EXOC6B: variants seen among roughly 807,000 people sequenced by gnomAD.
EXOC6B encodes SEC15 homolog B.
A neutral mutation model predicts 113.5 loss-of-function variants in EXOC6B; 54 were observed. The ratio of observed to expected loss-of-function variants is 0.48; its 90% confidence interval spans 0.38 to 0.60. EXOC6B has a LOEUF of 0.60. EXOC6B is among the 20% of genes least tolerant of loss of function. EXOC6B has a pLI of 0.00. For synonymous variants in EXOC6B, 357 were observed against 339.0 expected (o/e 1.05, Z -0.58); for missense variants, 797 against 977.5 (o/e 0.82, Z 2.46).
chr2:72,637,062 C>G (rs912745021), intron 6 of EXOC6B, among the ~76,000 whole-genome samples: 1 of 151,940 alleles, frequency 6.6e-6, no homozygotes. Flanking sequence ...TACAATACCA[C>G]TTATAAAAAT....
At chr2:72,465,085 TAA>T in intron 18 of EXOC6B, 73 bp downstream of exon 18, 1 of 1,299,150 alleles carries the variant, frequency 7.7e-7, no homozygotes, top group Non-Finnish European at 1.1e-6. Context: ...CAGCAGAAAC[TAA>T]CATCTTTCAC....
intron 18 of EXOC6B, among the ~76,000 whole-genome samples, chr2:72,410,170 A>C (rs1558641387): frequency 6.6e-6 from 1 of 152,164 alleles, no homozygotes; most frequent in Non-Finnish European, 1.5e-5. Context: ...GACGACTTTG[A>C]AGCTGCATAT....
intron 11 of EXOC6B, among the ~76,000 whole-genome samples, chr2:72,506,471 G>C (rs1239916378): frequency 6.6e-6 from 1 of 152,120 alleles, no homozygotes; most frequent in East Asian, 1.9e-4. Flanking sequence ...TCTGGACTAA[G>C]AAGTTACCTC....
rs576948368 is a variant in EXOC6B, at chr2:72,213,270, A to G, written c.2197-29083T>C. Among the ~76,000 whole-genome samples, 7 of 152,350 alleles carry G rather than the reference A, an allele frequency of 4.6e-5. No homozygotes were observed. In the East Asian group the frequency reaches 1.2e-3, roughly 25 times the overall value. Reference sequence around the variant, plus strand: ...AACCTCATGAGAGATGCTAGCTAATACCACGTAAAACTGCCTAGCTGAGCC... The same window carrying G: ...AACCTCATGAGAGATGCTAGCTAATGCCACGTAAAACTGCCTAGCTGAGCC... On this transcript the variant is annotated intron_variant, in intron 20 of 21. Coordinates refer to ENST00000272427, the MANE Select transcript of EXOC6B (RefSeq NM_015189.3).
At chr2:72,258,038 T>C (rs1466402704) in intron 20 of EXOC6B, among the ~76,000 whole-genome samples, 1 of 152,230 alleles carries the variant, frequency 6.6e-6, no homozygotes, top group Admixed American at 6.5e-5. Context: ...CTAAATTTCA[T>C]AGTCTTTTAA....
At chr2:72,612,890 A>G (rs965581750) in intron 6 of EXOC6B, among the ~76,000 whole-genome samples, 9 of 152,204 alleles carry the variant, frequency 5.9e-5, no homozygotes, top group Non-Finnish European at 1.2e-4. Context: ...TCTGTACTCA[A>G]AAAAGTTTCT....
intron 8 of EXOC6B, among the ~76,000 whole-genome samples, chr2:72,531,584 T>C (rs967691200): frequency 6.6e-6 from 1 of 152,238 alleles, no homozygotes; most frequent in African/African-American, 2.4e-5. Context: ...ATGCAGGGTA[T>C]TTTATCTGAC....
intron 11 of EXOC6B, among the ~76,000 whole-genome samples, chr2:72,501,865 T>C (rs1220802418): frequency 2.0e-5 from 3 of 151,602 alleles, no homozygotes; most frequent in Non-Finnish European, 4.4e-5. Context: ...GTTCAAGCAA[T>C]CTTCCCACCT....
intron 6 of EXOC6B, among the ~76,000 whole-genome samples, chr2:72,661,322 G>A (rs533575700): frequency 2.1e-5 from 3 of 144,632 alleles, no homozygotes; most frequent in South Asian, 2.2e-4. Context: ...TAAATTGTCC[G>A]TACTCACAGA....
intron 18 of EXOC6B, among the ~76,000 whole-genome samples, chr2:72,402,205 A>G (rs993854264): frequency 6.6e-6 from 1 of 152,080 alleles, no homozygotes; most frequent in African/African-American, 2.4e-5. Context: ...AAGATTTTGT[A>G]TTTATTCTTG....
intron 20 of EXOC6B, among the ~76,000 whole-genome samples, chr2:72,275,181 T>A (rs768425138): frequency 6.8e-4 from 104 of 152,332 alleles, no homozygotes; most frequent in African/African-American, 2.4e-3. Flanking sequence ...TAACATTTAA[T>A]GGACAAGATA....
chr2:72,363,478 T>C (rs1454265167), intron 19 of EXOC6B, among the ~76,000 whole-genome samples: 2 of 152,082 alleles, frequency 1.3e-5, no homozygotes, highest in African/African-American at 4.8e-5. Context: ...GTCAATTTAT[T>C]ATACCAAATT....
chr2:72,795,401 C>A (rs1684885593), intron 1 of EXOC6B, among the ~76,000 whole-genome samples: 2 of 152,022 alleles, frequency 1.3e-5, no homozygotes, highest in Admixed American at 1.3e-4. Flanking sequence ...TGGTGAAACC[C>A]CATCTCTATT....
At chr2:72,815,133 T>C (rs1686153508) in intron 1 of EXOC6B, among the ~76,000 whole-genome samples, 2 of 152,184 alleles carry the variant, frequency 1.3e-5, no homozygotes, top group South Asian at 4.1e-4. Context: ...TACATACTCG[T>C]CATGCATTTA....
At chr2:72,557,583 TG>T (rs1470588849) in intron 8 of EXOC6B, among the ~76,000 whole-genome samples, 4 of 151,982 alleles carry the variant, frequency 2.6e-5, no homozygotes, top group Non-Finnish European at 5.9e-5. Flanking sequence ...CACTTATAAG[TG>T]GGGGCTAAAT....
chr2:72,342,384 G>C (rs1332574833), intron 19 of EXOC6B, among the ~76,000 whole-genome samples: 1 of 151,908 alleles, frequency 6.6e-6, no homozygotes, highest in Admixed American at 6.6e-5. Context: ...GACCTAAATA[G>C]ACATTTTTCC....
chr2:72,604,057 G>GA lies in EXOC6B; in HGVS notation c.670-28390dup, dbSNP rs370923292. 7.2e-3 allele frequency among the ~76,000 whole-genome samples: 1,070 copies of GA among 148,854 alleles called. 5 individuals are homozygous for GA. Among genetic ancestry groups the GA allele is most frequent in the South Asian group, 0.018 (85 of 4,714 alleles). On this transcript the variant is annotated intron_variant, in intron 6 of 21. Transcript: ENST00000272427. ...TTCTAAATGATTATTAACTGTGCCAGAAAAAAAAAATCATCTTAGATTTAT... is the reference window on the plus strand; with the variant it reads ...TTCTAAATGATTATTAACTGTGCCAGAAAAAAAAAAATCATCTTAGATTTAT...
chr2:72,378,908 A>G (rs576617228), intron 19 of EXOC6B, among the ~76,000 whole-genome samples: 3 of 152,348 alleles, frequency 2.0e-5, no homozygotes, highest in South Asian at 2.1e-4. Context: ...AACTATGCCA[A>G]TAATGATGCT....
chr2:72,816,073 C>A (rs1381268140), intron 1 of EXOC6B, among the ~76,000 whole-genome samples: 1 of 152,138 alleles, frequency 6.6e-6, no homozygotes, highest in African/African-American at 2.4e-5. Flanking sequence ...GCAGGAGAAT[C>A]GCTTGAGCCC....
Sources: allele counts gnomAD v4.1 joint callset (sites outside exome capture counted in the v4.1 genomes callset), GRCh38; gene constraint gnomAD v4.1.1; transcripts MANE v1.5; gene names NCBI Gene and HGNC (gene_info 2026-07-23, HGNC 2026-07-21).